The following CAMK4 variants were observed in gnomAD, a reference collection of about 807,000 sequenced individuals.
CAMK4 encodes calcium/calmodulin-dependent protein kinase type IV.
In CAMK4, 22 loss-of-function variants were observed where a neutral mutation model predicts 44.9. The ratio of observed to expected loss-of-function variants is 0.49; its 90% CI spans 0.35 to 0.70. CAMK4 has a LOEUF of 0.70. Ranked by LOEUF, CAMK4 falls within the 30% of genes least tolerant of loss-of-function variation. CAMK4 has a pLI of 0.01. For synonymous variants in CAMK4, 218 were observed against 215.4 expected (o/e 1.01, Z -0.11); for missense variants, 498 against 586.8 (o/e 0.85, Z 1.56).
chr5:111,337,027 C>G (rs1749434726), intron 1 of CAMK4, among the ~76,000 whole-genome samples: 1 of 150,786 alleles, frequency 6.6e-6, no homozygotes, highest in Non-Finnish European at 1.5e-5. Flanking sequence ...CTTGTTTTTA[C>G]AATTGTATAT....
At position 111,439,666 on chromosome 5, in the gene CAMK4, G is replaced by T. The variant is rs139060708; in HGVS notation, c.460-7020G>T. Among the ~76,000 whole-genome samples the T allele has an allele frequency of 4.7e-3, 711 of 152,266 alleles. 3 individuals are homozygous for T. Among genetic ancestry groups the T allele is most frequent in the South Asian group, 0.03 (143 of 4,822 alleles). ...GTTGAATGGAGTCCAGAGCTACAGG[G>T]AAGTATAGGCAGGCAATAGAGATTT... On this transcript the variant is annotated intron_variant, in intron 5 of 10. Coordinates refer to ENST00000282356, the MANE Select transcript of CAMK4 (RefSeq NM_001744.6).
At chr5:111,258,661 C>T (rs1749843345) in intron 1 of CAMK4, among the ~76,000 whole-genome samples, 2 of 151,848 alleles carry the variant, frequency 1.3e-5, no homozygotes, top group Middle Eastern at 3.4e-3. Flanking sequence ...CATGGGAATT[C>T]TGGGAGATAC....
At chr5:111,315,611 TA>T (rs946217852) in intron 1 of CAMK4, among the ~76,000 whole-genome samples, 1 of 152,162 alleles carries the variant, frequency 6.6e-6, no homozygotes, top group African/African-American at 2.4e-5. Flanking sequence ...TTTTTGTATA[TA>T]AAGGAACTCT....
intron 7 of CAMK4, among the ~76,000 whole-genome samples, chr5:111,456,458 T>C (rs575821735): frequency 4.7e-4 from 71 of 151,782 alleles, no homozygotes; most frequent in African/African-American, 1.6e-3. Context: ...GCCACTGCAC[T>C]CCAGCCTCGG....
intron 6 of CAMK4, among the ~76,000 whole-genome samples, chr5:111,447,989 T>C (rs1343394830): frequency 6.6e-6 from 1 of 152,122 alleles, no homozygotes; most frequent in Non-Finnish European, 1.5e-5. Flanking sequence ...GCAGGAGAGG[T>C]TTTCTTTCTG....
chr5:111,237,190 T>C (rs1338574320), intron 1 of CAMK4, among the ~76,000 whole-genome samples: 2 of 152,128 alleles, frequency 1.3e-5, no homozygotes, highest in East Asian at 3.9e-4. Flanking sequence ...ACCCATGGGG[T>C]TTCCACAATT....
At chr5:111,431,032 CA>C (rs1191533628) in intron 5 of CAMK4, among the ~76,000 whole-genome samples, 2 of 151,810 alleles carry the variant, frequency 1.3e-5, no homozygotes, top group South Asian at 4.1e-4. Context: ...CAAACAAAAA[CA>C]AAAAACAAAA....
chr5:111,423,231 G>A (rs2112921818), intron 5 of CAMK4, among the ~76,000 whole-genome samples: 1 of 152,090 alleles, frequency 6.6e-6, no homozygotes, highest in East Asian at 1.9e-4. Context: ...TAACTCTGCA[G>A]GAGAGCACTT....
intron 1 of CAMK4, among the ~76,000 whole-genome samples, chr5:111,333,920 T>C (rs1327261140): frequency 6.6e-6 from 1 of 151,430 alleles, no homozygotes; most frequent in Non-Finnish European, 1.5e-5. Flanking sequence ...AAACAACAAA[T>C]GAGGACTCTA....
intron 8 of CAMK4, among the ~76,000 whole-genome samples, chr5:111,475,792 C>G (rs781689087): frequency 3.3e-5 from 5 of 152,168 alleles, no homozygotes; most frequent in Admixed American, 6.5e-5. Context: ...CACATTTTCT[C>G]TGGTGGGTTG....
At chr5:111,242,403 T>C (rs1293100180) in intron 1 of CAMK4, among the ~76,000 whole-genome samples, 8 of 152,204 alleles carry the variant, frequency 5.3e-5, no homozygotes, top group Admixed American at 5.2e-4. Flanking sequence ...TAAAGGTTAA[T>C]AGGTATGATT....
chr5:111,309,960 A>G (rs1374444624), intron 1 of CAMK4, among the ~76,000 whole-genome samples: 1 of 152,158 alleles, frequency 6.6e-6, no homozygotes, highest in Non-Finnish European at 1.5e-5. Context: ...TTCAGAATAG[A>G]TAAATAGTCT....
At chr5:111,307,943 C>CT (rs1747995752) in intron 1 of CAMK4, among the ~76,000 whole-genome samples, 3 of 68,142 alleles carry the variant, frequency 4.4e-5, no homozygotes, top group African/African-American at 2.2e-4. Flanking sequence ...AGTTCATGTC[C>CT]TTTTTAGGGA....
At chr5:111,278,707 T>A (rs1195843588) in intron 1 of CAMK4, among the ~76,000 whole-genome samples, 1 of 152,204 alleles carries the variant, frequency 6.6e-6, no homozygotes, top group Non-Finnish European at 1.5e-5. Flanking sequence ...GTGAATCTGA[T>A]ATAATTGTTA....
At position 111,443,348 on chromosome 5, in the gene CAMK4, CTATA is replaced by C. The variant is rs370002723; in HGVS notation, c.460-3331_460-3328del. On this transcript the variant is annotated intron_variant, in intron 5 of 10. Transcript: ENST00000282356. ...ATATACTATATATACTATATATATA[CTATA>C]TATATAGTATATATATATGAATATA... Among the ~76,000 whole-genome samples the C allele has an allele frequency of 6.4e-3, 776 of 121,884 alleles. 12 individuals are homozygous for C. Among genetic ancestry groups the C allele is most frequent in the African/African-American group, 0.022 (725 of 33,122 alleles). The allele number at this position is 121,884 out of a possible 152,430, so 80.0% of individuals were successfully genotyped here.
At chr5:111,331,154 T>C (rs1284211934) in intron 1 of CAMK4, among the ~76,000 whole-genome samples, 1 of 151,502 alleles carries the variant, frequency 6.6e-6, no homozygotes, top group Non-Finnish European at 1.5e-5. Context: ...AAAGACACCA[T>C]TAAGAACAAT....
chr5:111,310,627 C>T (rs770679459), intron 1 of CAMK4, among the ~76,000 whole-genome samples: 19 of 152,268 alleles, frequency 1.2e-4, no homozygotes, highest in Non-Finnish European at 2.2e-4. Flanking sequence ...AGGAACTCCT[C>T]AACAAAGACA....
intron 1 of CAMK4, among the ~76,000 whole-genome samples, chr5:111,336,175 A>G (rs1255687805): frequency 2.6e-5 from 4 of 151,212 alleles, no homozygotes; most frequent in Admixed American, 6.6e-5. Context: ...AAATGGATAG[A>G]CATGAGCAGT....
intron 1 of CAMK4, among the ~76,000 whole-genome samples, chr5:111,228,288 C>T (rs1580450652): frequency 6.6e-6 from 1 of 152,126 alleles, no homozygotes; most frequent in South Asian, 2.1e-4. Context: ...GTTCCCATTC[C>T]ACTTACTGTA....
Sources: gnomAD v4.1 joint callset for allele counts (sites outside exome capture counted in the v4.1 genomes callset) on GRCh38, gnomAD v4.1.1 for gene constraint, MANE v1.5 for transcripts, NCBI Gene and HGNC (gene_info 2026-07-23, HGNC 2026-07-21) for gene names.